The following CSMD1 variants were observed in gnomAD, a reference collection of about 807,000 sequenced individuals.
CSMD1 encodes CUB and Sushi multiple domains 1.
In CSMD1, 213 loss-of-function variants were observed where a neutral mutation model predicts 417.5. The observed-to-expected ratio is 0.51, with a 90% confidence interval of 0.46 to 0.57. CSMD1 has a LOEUF of 0.57. Ranked by LOEUF, CSMD1 falls within the 20% of genes least tolerant of loss-of-function variation. The probability of loss-of-function intolerance (pLI) is 0.00; values close to 1 mark genes in which losing one functional copy is unlikely to be tolerated. For synonymous variants in CSMD1, 2,862 were observed against 1,736.8 expected, an observed-to-expected ratio of 1.65 and a Z score of -16.11; for missense variants, 6,923 against 4,529.7, an observed-to-expected ratio of 1.53 and a Z score of -15.17.
At chr8:4,583,062 C>T (rs765070501) in intron 2 of CSMD1, among the ~76,000 whole-genome samples, 3 of 152,222 alleles carry the variant, frequency 2.0e-5, no homozygotes, top group Non-Finnish European at 4.4e-5. Flanking sequence ...AGCTGCCTTC[C>T]CGCGGGGCAG....
chr8:4,374,797 G>A (rs527831465), intron 3 of CSMD1, among the ~76,000 whole-genome samples: 1 of 152,110 alleles, frequency 6.6e-6, no homozygotes, highest in Non-Finnish European at 1.5e-5. Context: ...GATGGCCCAG[G>A]AGAGGATGGC....
intron 3 of CSMD1, among the ~76,000 whole-genome samples, chr8:4,074,381 T>G (rs1799714522): frequency 3.3e-5 from 5 of 152,122 alleles, no homozygotes; most frequent in Admixed American, 2.6e-4. Context: ...ATAGCAGTAT[T>G]TTCAATGTCT....
At position 3,578,014 on chromosome 8, in the gene CSMD1, G is replaced by A. The variant is rs555034169; in HGVS notation, c.1223-2948C>T. 3.3e-5 allele frequency among the ~76,000 whole-genome samples: 5 copies of A among 152,232 alleles called. No individual in the cohort carries two copies. The East Asian group carries it at 9.7e-4, about 29-fold the overall frequency. On this transcript the variant is annotated intron_variant, in intron 9 of 69. Coordinates refer to ENST00000635120, the MANE Select transcript of CSMD1 (RefSeq NM_033225.6). ...TGAACAGAGTGTCTGTTGTCCCCTA[G>A]CTGTCCTGCAGCTCACCTTATTACC...
chr8:3,318,803 G>C (rs1289418439), intron 23 of CSMD1, among the ~76,000 whole-genome samples: 3 of 152,132 alleles, frequency 2.0e-5, no homozygotes, highest in Admixed American at 1.3e-4. Context: ...CACACACACA[G>C]ACAGCCACAC....
intron 5 of CSMD1, among the ~76,000 whole-genome samples, chr8:3,889,638 C>G (rs980647673): frequency 3.3e-4 from 49 of 150,722 alleles, no homozygotes; most frequent in Admixed American, 2.6e-4. Flanking sequence ...AAGAGGAAAT[C>G]AAGATACTGG....
rs1797366573 is a variant in CSMD1, at chr8:4,031,905, C to G, written c.610G>C (p.Ala204Pro). The change falls in exon 4 of 70, where the codon GCT (alanine) becomes CCT (proline). Residue 204 changes from alanine to proline, a missense_variant and splice_region_variant. Physicochemically the swap from Ala to Pro is conservative, Grantham distance 27 (BLOSUM62 -1). Coordinates refer to ENST00000635120, the MANE Select transcript of CSMD1 (RefSeq NM_033225.6). ...CACCAGCCCCCTTGTAGCACTGTAC[C>G]TCTGCAAAAGGGAGCTGGGAAGTCC... ...SWDFPAPFCRAEGACGGTLRG... is the reference protein window; with the variant it reads ...SWDFPAPFCRPEGACGGTLRG... The G allele has an allele frequency of 6.2e-7, 1 of 1,612,182 alleles. No homozygotes were observed. Among genetic ancestry groups the G allele is most frequent in the Non-Finnish European group, 8.5e-7 (1 of 1,178,938 alleles).
intron 7 of CSMD1, among the ~76,000 whole-genome samples, chr8:3,661,037 G>GC (rs754231484): frequency 6.6e-6 from 1 of 152,196 alleles, no homozygotes; most frequent in Non-Finnish European, 1.5e-5. Context: ...GATGCTTCCT[G>GC]CCACCGCTAA....
chr8:3,136,224 G>T (rs1380332514), intron 41 of CSMD1, among the ~76,000 whole-genome samples: 2 of 151,304 alleles, frequency 1.3e-5, no homozygotes, highest in Non-Finnish European at 2.9e-5. Context: ...TCTATGTGTT[G>T]CAGAGAGGAC....
chr8:3,936,548 A>T lies in CSMD1; in HGVS notation c.818+61355T>A, dbSNP rs568908712. 2.6e-5 allele frequency among the ~76,000 whole-genome samples: 4 copies of T among 152,322 alleles called. No homozygotes were observed. In the East Asian group the frequency reaches 7.7e-4, roughly 29 times the overall value. The stretch of plus-strand genomic sequence containing the variant: ...TAAATCAACTATGCTCCATCAATGG[A>T]ACAACAAAGCCGGGAAGATAGCACA... On this transcript the variant is annotated intron_variant, in intron 5 of 69. Transcript: ENST00000635120.
chr8:4,630,985 G>T (rs946336973), intron 2 of CSMD1, among the ~76,000 whole-genome samples: 8 of 152,154 alleles, frequency 5.3e-5, no homozygotes, highest in Admixed American at 6.5e-5. Context: ...TTCATATGAG[G>T]CTGGTGTCCC....
At chr8:3,353,007 C>A (rs1044212773) in intron 21 of CSMD1, among the ~76,000 whole-genome samples, 2 of 152,174 alleles carry the variant, frequency 1.3e-5, no homozygotes, top group Non-Finnish European at 2.9e-5. Context: ...TGCTCAAGAT[C>A]ACACAGGTGT....
intron 1 of CSMD1, among the ~76,000 whole-genome samples, chr8:4,809,615 T>G (rs764936496): frequency 6.6e-6 from 1 of 152,154 alleles, no homozygotes; most frequent in Non-Finnish European, 1.5e-5. Flanking sequence ...TGCTCTCCAG[T>G]AGAAATAATA....
chr8:3,624,649 A>T (rs1319037050), intron 7 of CSMD1, among the ~76,000 whole-genome samples: 2 of 152,182 alleles, frequency 1.3e-5, no homozygotes, highest in African/African-American at 4.8e-5. Flanking sequence ...ACATGTTCTC[A>T]TTGAAATTTT....
chr8:4,119,857 A>T (rs908053292), intron 3 of CSMD1, among the ~76,000 whole-genome samples: 24 of 152,238 alleles, frequency 1.6e-4, no homozygotes, highest in African/African-American at 4.1e-4. Flanking sequence ...TTCTGGAGAC[A>T]CATCTGAAAG....
intron 2 of CSMD1, among the ~76,000 whole-genome samples, chr8:4,604,548 T>G (rs1227435257): frequency 6.6e-6 from 1 of 152,128 alleles, no homozygotes; most frequent in African/African-American, 2.4e-5. Context: ...AATGAACGCT[T>G]TTATTTTTTT....
chr8:3,699,759 G>A (rs1004403340), intron 7 of CSMD1, among the ~76,000 whole-genome samples: 15 of 152,172 alleles, frequency 9.9e-5, no homozygotes, highest in African/African-American at 3.1e-4. Flanking sequence ...GCTCCGCAAC[G>A]AGGGACTGTT....
chr8:4,299,406 G>A (rs958715539), intron 3 of CSMD1, among the ~76,000 whole-genome samples: 1 of 152,144 alleles, frequency 6.6e-6, no homozygotes, highest in African/African-American at 2.4e-5. Context: ...CTCAACATGA[G>A]AGAGGTGATT....
intron 10 of CSMD1, among the ~76,000 whole-genome samples, chr8:3,507,457 G>A (rs923061040): frequency 6.6e-6 from 1 of 152,148 alleles, no homozygotes; most frequent in Non-Finnish European, 1.5e-5. Context: ...TAGTGCCACA[G>A]TAAACATACG....
chr8:4,711,094 G>A (rs1319203823), intron 1 of CSMD1, among the ~76,000 whole-genome samples: 1 of 151,236 alleles, frequency 6.6e-6, no homozygotes, highest in Non-Finnish European at 1.5e-5. Context: ...ACAGTCTTAT[G>A]TAAATAGCAA....
Sources: allele counts gnomAD v4.1 joint callset (sites outside exome capture counted in the v4.1 genomes callset), GRCh38; gene constraint gnomAD v4.1.1; transcripts MANE v1.5; gene names NCBI Gene and HGNC (gene_info 2026-07-23, HGNC 2026-07-21).